The following CHD2 variants were observed in gnomAD, a reference collection of about 807,000 sequenced individuals.
CHD2 encodes the protein chromodomain helicase DNA binding protein 2.
Under a neutral mutation model 243.9 loss-of-function variants are expected in CHD2, and 28 were observed. The observed-to-expected ratio is 0.11, with a 90% CI of 0.09 to 0.16. CHD2 has a LOEUF of 0.16. Among genes scored for constraint, CHD2 ranks in the 10% least tolerant of loss-of-function variants. CHD2 has a pLI of 1.00. For missense variants in CHD2, 1,386 were observed against 2,209.8 expected (o/e 0.63, Z 7.47); for synonymous variants, 775 against 779.0 (o/e 0.99, Z 0.09).
At chr15:93,018,728 G>A (rs962194841) in intron 37 of CHD2, among the ~76,000 whole-genome samples, 5 of 152,166 alleles carry the variant, frequency 3.3e-5, no homozygotes, top group East Asian at 1.9e-4. Flanking sequence ...AGTTCTTGGC[G>A]TTCTTGACTC....
intron 13 of CHD2, among the ~76,000 whole-genome samples, chr15:92,949,470 TTA>T (rs1194071629): frequency 6.6e-6 from 1 of 152,176 alleles, no homozygotes; most frequent in Non-Finnish European, 1.5e-5. Context: ...AGGGAAGCCT[TTA>T]AATTAATTTC....
chr15:92,953,080 G>A (rs2053575455), intron 13 of CHD2, among the ~76,000 whole-genome samples: 1 of 152,228 alleles, frequency 6.6e-6, no homozygotes, highest in African/African-American at 2.4e-5. Context: ...CCTATGGAAG[G>A]TGATGTGAAA....
intron 28 of CHD2, among the ~76,000 whole-genome samples, chr15:92,994,044 A>G (rs1227775589): frequency 1.3e-5 from 2 of 152,232 alleles, no homozygotes; most frequent in Non-Finnish European, 2.9e-5. Context: ...ACTGTGGTTT[A>G]TCTGTGCCAT....
At chr15:92,980,221 TC>T (rs1209813173) in intron 22 of CHD2, among the ~76,000 whole-genome samples, 12 of 88,584 alleles carry the variant, frequency 1.4e-4, no homozygotes, top group Non-Finnish European at 7.2e-5. Context: ...ATTTTTTTTT[TC>T]TTTTTTTTTT....
chr15:92,910,876 C>G (rs2052720556), intron 2 of CHD2, among the ~76,000 whole-genome samples: 1 of 152,182 alleles, frequency 6.6e-6, no homozygotes, highest in Non-Finnish European at 1.5e-5. Context: ...ATGAACATCT[C>G]ACACAAACCT....
In CHD2 at chr15:92,907,338, T is replaced by G. The variant is rs1596365088; in HGVS notation, c.62+6039T>G. ...TTTGGTATTTCAACATGTTCTGGACTGGATATCATACTGAAAAGTATTTCA... is the reference window on the plus strand; with the variant it reads ...TTTGGTATTTCAACATGTTCTGGACGGGATATCATACTGAAAAGTATTTCA... On this transcript the variant is annotated intron_variant, in intron 2 of 38. Coordinates refer to ENST00000394196, the MANE Select transcript of CHD2 (RefSeq NM_001271.4). Among the ~76,000 whole-genome samples the G allele has an allele frequency of 2.0e-5, 3 of 152,340 alleles. No individual in the cohort carries two copies. The South Asian group carries it at 6.2e-4, about 32-fold the overall frequency.
chr15:93,023,656 C>T (rs969482977), intron 38 of CHD2, among the ~76,000 whole-genome samples: 1 of 148,964 alleles, frequency 6.7e-6, no homozygotes, highest in Non-Finnish European at 1.5e-5. Context: ...TTTGCCAACA[C>T]TTATTTCCTG....
chr15:92,940,789 ATAT>A, intron 7 of CHD2, among the ~76,000 whole-genome samples: 1 of 130,776 alleles, frequency 7.6e-6, no homozygotes, highest in East Asian at 2.0e-4. Flanking sequence ...TATAAAAAAT[ATAT>A]AAATATATAA....
At position 93,026,280 on chromosome 15, in the gene CHD2, A is replaced by G. The variant is rs1309569513; in HGVS notation, c.*1575A>G. 6.5e-6 allele frequency: 1 copy of G among 152,680 alleles called. No individual in the cohort carries two copies. The highest frequency in any genetic ancestry group is 1.9e-4 in the East Asian group (1 of 5,198). The allele number at this position is 152,680 out of a possible 1,614,324, so 9.5% of individuals were successfully genotyped here. A position where few individuals can be genotyped will look rare whatever the true frequency, so the allele number is the denominator to read the frequency against. ...CCTTCTGTTGGGCGTGTGCAGGGTT[A>G]AACTCCTGAAGTAACTTGTGAGGAC... On this transcript the variant is annotated 3_prime_UTR_variant, in exon 39 of 39. Transcript: ENST00000394196.
rs1012896386 is a variant in CHD2, at chr15:92,900,438, C to T, written c.-458C>T. On this transcript the variant is annotated 5_prime_UTR_variant, in exon 1 of 39. Coordinates refer to ENST00000394196, the MANE Select transcript of CHD2 (RefSeq NM_001271.4). Reference sequence around the variant, plus strand: ...CTAACTTTCGGGCAGCCTCAGGGGGCCCCCGTAGCCCCCTGCCTTTCCTAG... The same window carrying T: ...CTAACTTTCGGGCAGCCTCAGGGGGTCCCCGTAGCCCCCTGCCTTTCCTAG... 3 of 395,026 alleles carry T rather than the reference C, an allele frequency of 7.6e-6. No individual in the cohort carries two copies. The highest frequency in any genetic ancestry group is 3.6e-5 in the East Asian group (1 of 27,900). 24.5% of individuals were successfully genotyped at this position (395,026 alleles called of 1,614,324 possible). A position where few individuals can be genotyped will look rare whatever the true frequency, so the allele number is the denominator to read the frequency against.
At chr15:93,018,934 G>A (rs2054496278) in intron 37 of CHD2, among the ~76,000 whole-genome samples, 1 of 152,150 alleles carries the variant, frequency 6.6e-6, no homozygotes. Context: ...CAGGCTCTGG[G>A]TGGACATGAC....
At chr15:92,964,839 T>G (rs2053736011) in intron 16 of CHD2, among the ~76,000 whole-genome samples, 1 of 152,176 alleles carries the variant, frequency 6.6e-6, no homozygotes, top group African/African-American at 2.4e-5. Context: ...AGAAAACAAG[T>G]CAGTTTGATA....
At chr15:92,999,311 G>A (rs1266403092) in intron 31 of CHD2, among the ~76,000 whole-genome samples, 3 of 152,050 alleles carry the variant, frequency 2.0e-5, no homozygotes, top group Non-Finnish European at 4.4e-5. Context: ...CTGTTGTTCT[G>A]TCTGTCTCTG....
At chr15:92,939,151 T>C (rs747264227) in intron 6 of CHD2, among the ~76,000 whole-genome samples, 3 of 152,230 alleles carry the variant, frequency 2.0e-5, no homozygotes, top group Non-Finnish European at 2.9e-5. Context: ...TAGTGAATAC[T>C]TTATTATGCC....
chr15:92,989,025 C>CTTTT (rs34298248), intron 26 of CHD2, among the ~76,000 whole-genome samples: 38 of 76,512 alleles, frequency 5.0e-4, no homozygotes, highest in African/African-American at 1.2e-3. Context: ...ATACTTCATA[C>CTTTT]TTTTTTTTTT....
At chr15:92,924,575 C>G (rs1321125847) in intron 3 of CHD2, 23 bp downstream of exon 3, 1 of 1,595,520 alleles carries the variant, frequency 6.3e-7, no homozygotes, top group African/African-American at 1.3e-5. Flanking sequence ...CCCTGCAGTA[C>G]AAATGTGCTG....
intron 13 of CHD2, among the ~76,000 whole-genome samples, chr15:92,952,214 T>G (rs1026219802): frequency 6.6e-6 from 1 of 152,212 alleles, no homozygotes; most frequent in Non-Finnish European, 1.5e-5. Context: ...TGTTGAAATC[T>G]AGCCCATTTT....
At chr15:92,924,275 T>G in intron 2 of CHD2, 46 bp from the exon 3 acceptor site, 1 of 1,534,676 alleles carries the variant, frequency 6.5e-7, no homozygotes, top group Non-Finnish European at 9.0e-7. Context: ...CAGATTCATG[T>G]GTCAGTTCTT....
intron 13 of CHD2, among the ~76,000 whole-genome samples, chr15:92,951,154 A>G (rs933264842): frequency 1.2e-4 from 19 of 152,064 alleles, no homozygotes; most frequent in African/African-American, 3.4e-4. Flanking sequence ...GTCCTTGGCC[A>G]GCATTTTTTA....
Sources: allele counts gnomAD v4.1 joint callset (sites outside exome capture counted in the v4.1 genomes callset), GRCh38; gene constraint gnomAD v4.1.1; transcripts MANE v1.5; gene names NCBI Gene and HGNC (gene_info 2026-07-23, HGNC 2026-07-21).